SGMS1: variants seen among roughly 807,000 people sequenced by gnomAD.
SGMS1 encodes phosphatidylcholine:ceramide cholinephosphotransferase 1.
Under a neutral mutation model 46.2 loss-of-function variants are expected in SGMS1, and 13 were observed. The observed-to-expected ratio is 0.28, with a 90% CI of 0.18 to 0.45. SGMS1 has a LOEUF of 0.45. Among genes scored for constraint, SGMS1 ranks in the 20% least tolerant of loss-of-function variants. The pLI is 1.00. For synonymous variants in SGMS1, 203 were observed against 187.8 expected (o/e 1.08, Z -0.66); for missense variants, 324 against 519.9 (o/e 0.62, Z 3.66).
chr10:50,357,666 T>C (rs1848176024), intron 6 of SGMS1, among the ~76,000 whole-genome samples: 1 of 152,220 alleles, frequency 6.6e-6, no homozygotes, highest in Non-Finnish European at 1.5e-5. Flanking sequence ...TGCATGTACC[T>C]GACAGTGCTT....
At chr10:50,516,892 T>C (rs905790799) in intron 3 of SGMS1, among the ~76,000 whole-genome samples, 99 of 152,168 alleles carry the variant, frequency 6.5e-4, no homozygotes, top group African/African-American at 2.2e-3. Flanking sequence ...CGTGAGAATA[T>C]AGTGGGAACA....
At chr10:50,327,382 T>G (rs1265386015) in intron 7 of SGMS1, 60 bp from the exon 8 acceptor site, 1 of 1,003,450 alleles carries the variant, frequency 1.0e-6, no homozygotes, top group African/African-American at 1.6e-5. Context: ...GTTCATTTAC[T>G]GTAATTTTTC....
At chr10:50,416,176 C>T (rs1849166754) in intron 6 of SGMS1, among the ~76,000 whole-genome samples, 1 of 152,170 alleles carries the variant, frequency 6.6e-6, no homozygotes, top group African/African-American at 2.4e-5. Context: ...CAAGAACCTC[C>T]TCTGGATCAT....
intron 6 of SGMS1, among the ~76,000 whole-genome samples, chr10:50,391,564 T>C (rs1848767447): frequency 6.6e-6 from 1 of 152,208 alleles, no homozygotes; most frequent in South Asian, 2.1e-4. Context: ...TACACACCGC[T>C]GGTGGGAATG....
intron 2 of SGMS1, among the ~76,000 whole-genome samples, chr10:50,526,238 G>C (rs1031143360): frequency 6.6e-6 from 1 of 152,184 alleles, no homozygotes; most frequent in South Asian, 2.1e-4. Context: ...GGCAGAAGGC[G>C]AAAGGGAAGC....
At chr10:50,396,878 C>T (rs1161102764) in intron 6 of SGMS1, among the ~76,000 whole-genome samples, 1 of 152,158 alleles carries the variant, frequency 6.6e-6, no homozygotes, top group Non-Finnish European at 1.5e-5. Flanking sequence ...ACAGCGGCAG[C>T]CTCCAGTGTT....
At chr10:50,374,645 A>C (rs1304522234) in intron 6 of SGMS1, among the ~76,000 whole-genome samples, 1 of 152,086 alleles carries the variant, frequency 6.6e-6, no homozygotes. Context: ...TAAGGTCCCA[A>C]GTGATCTGGT....
chr10:50,351,846 G>A (rs571938687), intron 6 of SGMS1, among the ~76,000 whole-genome samples: 4 of 152,212 alleles, frequency 2.6e-5, no homozygotes, highest in African/African-American at 9.6e-5. Flanking sequence ...ACTGCTGGGA[G>A]GATTCAATCA....
At chr10:50,326,777 G>A (rs893921542) in intron 8 of SGMS1, among the ~76,000 whole-genome samples, 2 of 152,164 alleles carry the variant, frequency 1.3e-5, no homozygotes, top group Non-Finnish European at 2.9e-5. Flanking sequence ...ATTTGGCTTG[G>A]TTGAGGACTG....
In SGMS1 at chr10:50,623,818, C is replaced by A; in HGVS notation, c.-795G>T. On this transcript the variant is annotated 5_prime_UTR_variant, in exon 1 of 11. Coordinates refer to ENST00000361781, the MANE Select transcript of SGMS1 (RefSeq NM_147156.4). ...TCCGCACCCCAATCGCGCTCTCCGA[C>A]CGGCTCCCTAGGCGCGAGGGGAGAG... 1.0e-6 allele frequency: 1 copy of A among 985,412 alleles called. No homozygotes were observed. The highest frequency in any genetic ancestry group is 1.7e-5 in the African/African-American group (1 of 57,350). The allele number at this position is 985,412 out of a possible 1,614,324, so 61.0% of individuals were successfully genotyped here.
chr10:50,373,851 T>A (rs898673898), intron 6 of SGMS1, among the ~76,000 whole-genome samples: 13 of 152,186 alleles, frequency 8.5e-5, no homozygotes, highest in African/African-American at 3.1e-4. Flanking sequence ...GTCCCATAGG[T>A]ATCTATTCCA....
rs527390526 is a variant in SGMS1 at position 50,371,253 on chromosome 10, C to A, written c.-231-26908G>T. On this transcript the variant is annotated intron_variant, in intron 6 of 10. Transcript: ENST00000361781. ...ATTGTACAGATAATTTGTCATTGACCAAAATGTCGTTATGCCACGCATGAC... is the reference window on the plus strand; with the variant it reads ...ATTGTACAGATAATTTGTCATTGACAAAAATGTCGTTATGCCACGCATGAC... 1.3e-5 allele frequency among the ~76,000 whole-genome samples: 2 copies of A among 152,196 alleles called. 1 individual carries two copies. The highest frequency in any genetic ancestry group is 4.2e-4 in the South Asian group (2 of 4,806).
In SGMS1 at chr10:50,602,724, A is replaced by G. The variant is rs1036079950; in HGVS notation, c.-683-12477T>C. Reference sequence around the variant, plus strand: ...AACATTTGATAAAACTGGAAGCTGGATATATATGCATTTATTGTATTATTC... The same window carrying G: ...AACATTTGATAAAACTGGAAGCTGGGTATATATGCATTTATTGTATTATTC... On this transcript the variant is annotated intron_variant, in intron 1 of 10. Transcript: ENST00000361781. 7.2e-5 allele frequency among the ~76,000 whole-genome samples: 11 copies of G among 152,230 alleles called. 1 individual carries two copies. The highest frequency in any genetic ancestry group is 2.9e-5 in the Non-Finnish European group (2 of 68,036).
chr10:50,313,984 T>C (rs1847299716), intron 8 of SGMS1, among the ~76,000 whole-genome samples: 1 of 151,748 alleles, frequency 6.6e-6, no homozygotes, highest in African/African-American at 2.4e-5. Context: ...GAAAGAAAAA[T>C]TTAAATTATG....
chr10:50,588,721 ATTTTT>A (rs71029314), intron 2 of SGMS1, among the ~76,000 whole-genome samples: 1 of 92,220 alleles, frequency 1.1e-5, no homozygotes, highest in Non-Finnish European at 2.1e-5. Context: ...GACTGATCTA[ATTTTT>A]TTTTTTTTTT....
intron 3 of SGMS1, among the ~76,000 whole-genome samples, chr10:50,475,183 T>C (rs1185102767): frequency 6.6e-6 from 1 of 152,220 alleles, no homozygotes; most frequent in Admixed American, 6.5e-5. Context: ...ATAAATGTTG[T>C]CCGGTAGAGA....
chr10:50,486,970 T>C (rs1419424096), intron 3 of SGMS1, among the ~76,000 whole-genome samples: 1 of 152,216 alleles, frequency 6.6e-6, no homozygotes, highest in African/African-American at 2.4e-5. Flanking sequence ...TGTAATACTA[T>C]GCAGTCATAG....
intron 1 of SGMS1, among the ~76,000 whole-genome samples, chr10:50,622,741 C>T (rs1460726730): frequency 6.6e-6 from 1 of 152,220 alleles, no homozygotes. Context: ...CAACCCTTAT[C>T]CCGATTTCTA....
chr10:50,601,312 G>A (rs777309593), intron 1 of SGMS1, among the ~76,000 whole-genome samples: 4 of 152,194 alleles, frequency 2.6e-5, no homozygotes, highest in Non-Finnish European at 5.9e-5. Context: ...TATGGATTTG[G>A]CAGGCAAGAC....
Sources: gnomAD v4.1 joint callset for allele counts (sites outside exome capture counted in the v4.1 genomes callset) on GRCh38, gnomAD v4.1.1 for gene constraint, MANE v1.5 for transcripts, NCBI Gene and HGNC (gene_info 2026-07-23, HGNC 2026-07-21) for gene names.